SSB: variants seen among roughly 807,000 people sequenced by gnomAD.
The protein encoded by SSB is small RNA binding exonuclease protection factor La, also known as lupus La protein.
A neutral mutation model predicts 52.9 loss-of-function variants in SSB; 17 were observed. The ratio of observed to expected loss-of-function variants is 0.32; its 90% CI spans 0.22 to 0.48. The LOEUF (loss-of-function observed/expected upper bound fraction) is 0.48, where lower values mean the gene tolerates loss of function less well. Among genes scored for constraint, SSB ranks in the 20% least tolerant of loss-of-function variants. The probability of loss-of-function intolerance (pLI) is 0.99; values close to 1 mark genes in which losing one functional copy is unlikely to be tolerated. For synonymous variants in SSB, 111 were observed against 152.1 expected (o/e 0.73, Z 1.99); for missense variants, 314 against 463.6 (o/e 0.68, Z 2.96).
chr2:169,810,586 T>C (rs1199567151), intron 9 of SSB, 163 bp downstream of exon 9: 3 of 731,150 alleles, frequency 4.1e-6, no homozygotes, highest in East Asian at 2.8e-5. Flanking sequence ...TTCTGAATTA[T>C]ACTAAATTAG....
intron 1 of SSB, 110 bp from the exon 2 acceptor site, chr2:169,800,842 A>G (rs1222737983): frequency 1.3e-6 from 1 of 746,036 alleles, no homozygotes; most frequent in Non-Finnish European, 2.0e-6. Flanking sequence ...TGAAAATAGA[A>G]ATTCTTGATT....
intron 2 of SSB, among the ~76,000 whole-genome samples, chr2:169,801,402 C>T (rs1324564745): frequency 6.6e-6 from 1 of 151,472 alleles, no homozygotes; most frequent in East Asian, 1.9e-4. Flanking sequence ...ACATAAGTAA[C>T]ATAAAAGTCC....
In SSB at chr2:169,811,245, A is replaced by G; in HGVS notation, c.1060A>G (p.Lys354Glu). Reference sequence around the variant, plus strand: ...TGCCCAGCCTGGGTCTGGTAAAGGAAAAGTACAGTTTCAGGGCAAGAAAAC... The same window carrying G: ...TGCCCAGCCTGGGTCTGGTAAAGGAGAAGTACAGTTTCAGGGCAAGAAAAC... ...KAAQPGSGKGKVQFQGKKTKF... is the reference protein window; with the variant it reads ...KAAQPGSGKGEVQFQGKKTKF... Residue 354 changes from lysine to glutamate, a missense_variant, in exon 11 of 12, where the codon AAA becomes GAA. By Grantham distance (56) the Lys-to-Glu change is moderately conservative (BLOSUM62 1). Transcript: ENST00000260956. The G allele has an allele frequency of 6.2e-7, 1 of 1,611,632 alleles. No individual in the cohort carries two copies. The highest frequency in any genetic ancestry group is 2.2e-5 in the East Asian group (1 of 44,846).
intron 1 of SSB, among the ~76,000 whole-genome samples, chr2:169,799,860 C>T (rs1162938171): frequency 6.6e-6 from 1 of 152,118 alleles, no homozygotes; most frequent in Non-Finnish European, 1.5e-5. Context: ...CAACTAATGG[C>T]AATATTCTCG....
At chr2:169,808,278 T>C (rs1393317547) in intron 6 of SSB, among the ~76,000 whole-genome samples, 1 of 152,212 alleles carries the variant, frequency 6.6e-6, no homozygotes, top group Non-Finnish European at 1.5e-5. Context: ...TTGTGGCACA[T>C]GGATTTTTTC....
intron 9 of SSB, chr2:169,810,635 T>G: frequency 3.0e-6 from 2 of 661,256 alleles, no homozygotes. Context: ...ATTGTCACTA[T>G]ATGTGATGTC....
At position 169,800,945 on chromosome 2, in the gene SSB, T is replaced by G. The variant is rs747676464; in HGVS notation, c.-9-7T>G. The G allele has an allele frequency of 6.4e-7, 1 of 1,572,760 alleles. No individual in the cohort carries two copies. Among genetic ancestry groups the G allele is most frequent in the South Asian group, 1.2e-5 (1 of 83,416 alleles). ...ATAACTTTATGCTAATTTGGGAAAT[T>G]TTACAGATAGCCGCAATGGCTGAAA... On this transcript the variant is annotated splice_polypyrimidine_tract_variant and splice_region_variant and intron_variant, in intron 1 of 11. Coordinates refer to ENST00000260956, the MANE Select transcript of SSB (RefSeq NM_003142.5).
chr2:169,802,315 TA>T (rs34432419), intron 2 of SSB, among the ~76,000 whole-genome samples: 8,832 of 151,800 alleles, frequency 0.058, 306 homozygotes, highest in East Asian at 0.1. Flanking sequence ...ACAATATCGA[TA>T]ATGGTTGCAT....
rs1322890537 is a variant in SSB, at chr2:169,809,789, T to C, written c.670-494T>C. Among the ~76,000 whole-genome samples the C allele has an allele frequency of 2.3e-5, 3 of 132,400 alleles. No homozygotes were observed. The East Asian group carries it at 6.2e-4, about 27-fold the overall frequency. 86.9% of individuals were successfully genotyped at this position (132,400 alleles called of 152,430 possible). On this transcript the variant is annotated intron_variant, in intron 8 of 11. Transcript: ENST00000260956. ...CACCACGTCCGGCTAATTTTTTGTA[T>C]TTTTTTTTAGCAGAGACGGGGTTTC... is the stretch of plus-strand genomic sequence containing the variant.
intron 9 of SSB, 149 bp from the exon 10 acceptor site, chr2:169,810,709 A>G (rs761907018): frequency 1.3e-5 from 10 of 775,624 alleles, no homozygotes; most frequent in Non-Finnish European, 2.0e-5. Context: ...TTACTTCTGT[A>G]GCATTCCTTT....
At position 169,808,475 on chromosome 2, in the gene SSB, T is replaced by C. The variant is rs756838035; in HGVS notation, c.555-7T>C. 6.2e-7 allele frequency: 1 copy of C among 1,612,618 alleles called. No homozygotes were observed. The highest frequency in any genetic ancestry group is 1.7e-5 in the Admixed American group (1 of 59,994). On this transcript the variant is annotated splice_polypyrimidine_tract_variant and splice_region_variant and intron_variant, in intron 6 of 11. Transcript: ENST00000260956. ...TGAACTTAGCCTCTGTACTGTGTGT[T>C]CTTTAGGGACGATTACTTTGCCAAA... is the stretch of plus-strand genomic sequence containing the variant.
intron 2 of SSB, among the ~76,000 whole-genome samples, chr2:169,803,147 A>G (rs996729181): frequency 6.6e-6 from 1 of 152,158 alleles, no homozygotes; most frequent in African/African-American, 2.4e-5. Context: ...TTTTCTTTCT[A>G]ATCTTAGCCA....
chr2:169,799,033 G>C (rs1012017896), intron 1 of SSB, 57 bp downstream of exon 1: 2 of 152,244 alleles, frequency 1.3e-5, no homozygotes, highest in Non-Finnish European at 2.9e-5. Context: ...TTGCTGGTGC[G>C]CGACTGCGCG....
chr2:169,811,542 T>C (rs1447926343), intron 11 of SSB, 126 bp from the exon 12 acceptor site: 13 of 1,391,714 alleles, frequency 9.3e-6, no homozygotes, highest in Non-Finnish European at 1.2e-5. Context: ...GAGAAAAGCC[T>C]TTTCTCATTG....
intron 7 of SSB, 149 bp downstream of exon 7, chr2:169,808,702 C>A: frequency 1.0e-6 from 1 of 985,684 alleles, no homozygotes; most frequent in Non-Finnish European, 1.5e-6. Context: ...ATCTCAGGGC[C>A]AAATTGCATT....
At chr2:169,806,480 C>T (rs1314635074) in intron 4 of SSB, 3 of 200,638 alleles carry the variant, frequency 1.5e-5, no homozygotes, top group African/African-American at 7.0e-5. Context: ...ATTTCAGATA[C>T]ATATATAAAT....
At chr2:169,806,033 T>C in intron 4 of SSB, 194 bp downstream of exon 4, 1 of 645,060 alleles carries the variant, frequency 1.6e-6, no homozygotes, top group Non-Finnish European at 2.8e-6. Flanking sequence ...TGCAGTGGTG[T>C]GATCATGGCC....
intron 2 of SSB, among the ~76,000 whole-genome samples, chr2:169,804,317 T>C (rs1452590486): frequency 7.0e-6 from 1 of 142,754 alleles, no homozygotes; most frequent in Non-Finnish European, 1.5e-5. Flanking sequence ...CAATTATGCC[T>C]CACTGCAGCT....
chr2:169,800,981 T>C lies in SSB; in HGVS notation c.21T>C (p.Asn7=). 1 of 1,598,592 alleles carries C rather than the reference T, an allele frequency of 6.3e-7. No homozygotes were observed. Among genetic ancestry groups the C allele is most frequent in the Non-Finnish European group, 8.5e-7 (1 of 1,173,996 alleles). ...CCGCAATGGCTGAAAATGGTGATAA[T>C]GAAAAGATGGCTGCCCTGGAGGCCA... MAENGD[N]EKMAALEAKI... is the part of the protein sequence containing the mutation. The change falls in exon 2 of 12, where the codon AAT becomes AAC. Residue 7 remains asparagine (N), a synonymous_variant. Transcript: ENST00000260956.
Sources: gnomAD v4.1 joint callset for allele counts (sites outside exome capture counted in the v4.1 genomes callset) on GRCh38, gnomAD v4.1.1 for gene constraint, MANE v1.5 for transcripts, NCBI Gene and HGNC (gene_info 2026-07-23, HGNC 2026-07-21) for gene names.